The following GNG2 variants were observed in gnomAD, a reference collection of about 807,000 sequenced individuals.
The protein encoded by GNG2 is G protein subunit gamma 2.
In GNG2, 5 loss-of-function variants were observed where a neutral mutation model predicts 5.5. The ratio of observed to expected loss-of-function variants is 0.91; its 90% confidence interval spans 0.48 to 1.92. The LOEUF (loss-of-function observed/expected upper bound fraction) is 1.92, where lower values mean the gene tolerates loss of function less well. Ranked by LOEUF, GNG2 falls within the 30% of genes most tolerant of loss-of-function variation. The pLI is 0.01. For missense variants in GNG2, 55 were observed against 88.4 expected (o/e 0.62, Z 1.52); for synonymous variants, 28 against 32.0 (o/e 0.88, Z 0.42).
chr14:51,829,226 C>T (rs995272377), intron 2 of GNG2, among the ~76,000 whole-genome samples: 1 of 152,148 alleles, frequency 6.6e-6, no homozygotes, highest in Non-Finnish European at 1.5e-5. Flanking sequence ...GGTGTATAGC[C>T]TAGACTTGTT....
chr14:51,847,563 T>TA (rs112445534), intron 2 of GNG2, among the ~76,000 whole-genome samples: 25,469 of 151,834 alleles, frequency 0.17, 2,226 homozygotes, highest in Non-Finnish European at 0.19. Flanking sequence ...ATTTCAAATT[T>TA]AAAAAAAAGA....
intron 1 of GNG2, chr14:51,826,304 A>G (rs1881028447): frequency 6.6e-6 from 1 of 152,114 alleles, no homozygotes; most frequent in African/African-American, 2.4e-5. Context: ...AAATGACAAC[A>G]ATTTTAAAAA....
intron 1 of GNG2, among the ~76,000 whole-genome samples, chr14:51,871,450 A>G (rs1337566686): frequency 6.6e-6 from 1 of 152,152 alleles, no homozygotes; most frequent in African/African-American, 2.4e-5. Context: ...GTTAAAGGAC[A>G]TTGGTTTAGA....
At chr14:51,925,219 C>T (rs564556384) in intron 2 of GNG2, among the ~76,000 whole-genome samples, 33 of 152,306 alleles carry the variant, frequency 2.2e-4, no homozygotes, top group African/African-American at 7.7e-4. Flanking sequence ...ATGAAAATAT[C>T]ACTGTGTACC....
At chr14:51,845,473 G>A (rs1881597661) in intron 2 of GNG2, among the ~76,000 whole-genome samples, 1 of 152,196 alleles carries the variant, frequency 6.6e-6, no homozygotes, top group South Asian at 2.1e-4. Context: ...CAACCTGGGT[G>A]ACAGTGAGAC....
chr14:51,906,622 T>C (rs1885936177), intron 2 of GNG2, among the ~76,000 whole-genome samples: 1 of 152,206 alleles, frequency 6.6e-6, no homozygotes, highest in Non-Finnish European at 1.5e-5. Flanking sequence ...TATCCATTGG[T>C]TGAGAAAGCT....
In GNG2 at chr14:51,878,807, A is replaced by C. The variant is rs1267241131; in HGVS notation, c.-30+1150A>C. On this transcript the variant is annotated intron_variant, in intron 2 of 3. Coordinates refer to ENST00000556766, the MANE Select transcript of GNG2 (RefSeq NM_053064.5). The stretch of plus-strand genomic sequence containing the variant: ...AAGTTCTTTTGAATTTAAGTACCTA[A>C]TGTCTTTCAGGTGAGGGCTGAGACA... Among the ~76,000 whole-genome samples, 3 of 152,324 alleles carry C rather than the reference A, an allele frequency of 2.0e-5. No individual in the cohort carries two copies. In the East Asian group the frequency reaches 5.8e-4, roughly 29 times the overall value.
At chr14:51,950,160 T>C (rs1036943910) in intron 2 of GNG2, among the ~76,000 whole-genome samples, 2 of 152,252 alleles carry the variant, frequency 1.3e-5, no homozygotes, top group African/African-American at 4.8e-5. Flanking sequence ...AGATTAGGCA[T>C]GGCAATCCCT....
chr14:51,882,047 T>G (rs1358928232), intron 2 of GNG2, among the ~76,000 whole-genome samples: 1 of 152,210 alleles, frequency 6.6e-6, no homozygotes, highest in Non-Finnish European at 1.5e-5. Context: ...CATCAAGTTC[T>G]TATGCTGTAA....
At position 51,969,754 on chromosome 14, in the gene GNG2, T is replaced by C. The variant is rs1890114672; in HGVS notation, c.*3067T>C. 6.6e-6 allele frequency: 1 copy of C among 152,256 alleles called. No homozygotes were observed. Among genetic ancestry groups the C allele is most frequent in the South Asian group, 2.1e-4 (1 of 4,832 alleles). The allele number at this position is 152,256 out of a possible 1,614,324, so 9.4% of individuals were successfully genotyped here. A position where few individuals can be genotyped will look rare whatever the true frequency, so the allele number is the denominator to read the frequency against. On this transcript the variant is annotated 3_prime_UTR_variant, in exon 4 of 4. Coordinates refer to ENST00000556766, the MANE Select transcript of GNG2 (RefSeq NM_053064.5). The stretch of plus-strand genomic sequence containing the variant: ...GTGATGTGCACATTTTCATCCCACA[T>C]GGACAATGTATGTGTTTTAATAAAT...
At chr14:51,924,401 T>C (rs1363325404) in intron 2 of GNG2, among the ~76,000 whole-genome samples, 1 of 152,206 alleles carries the variant, frequency 6.6e-6, no homozygotes, top group Non-Finnish European at 1.5e-5. Flanking sequence ...GAGTTGAGAT[T>C]AGTTAATAGA....
Position 51,875,939 on chromosome 14 carries a change from A to ATTTTTTTTTTTTT in GNG2, c.-70-1671_-70-1670insTTTTTTTTTTTTT, listed in dbSNP as rs745510243. On this transcript the variant is annotated intron_variant, in intron 1 of 3. Coordinates refer to ENST00000556766, the MANE Select transcript of GNG2 (RefSeq NM_053064.5). ...AAATGCATTTTTTCATCATTTAAAC[A>ATTTTTTTTTTTTT]TTTTTTTCTTTTTTCCGAGACAGAC... is the stretch of plus-strand genomic sequence containing the variant. Among the ~76,000 whole-genome samples the ATTTTTTTTTTTTT allele has an allele frequency of 1.9e-4, 16 of 83,608 alleles. 1 individual carries two copies. Among genetic ancestry groups the ATTTTTTTTTTTTT allele is most frequent in the East Asian group, 6.3e-4 (2 of 3,180 alleles). The allele number at this position is 83,608 out of a possible 152,430, so 54.9% of individuals were successfully genotyped here.
At chr14:51,879,703 C>T (rs1289850874) in intron 2 of GNG2, among the ~76,000 whole-genome samples, 1 of 152,148 alleles carries the variant, frequency 6.6e-6, no homozygotes. Flanking sequence ...CTACCATAGT[C>T]CCATCTTCTT....
chr14:51,936,979 A>G (rs2140256395), intron 2 of GNG2, among the ~76,000 whole-genome samples: 1 of 152,330 alleles, frequency 6.6e-6, no homozygotes, highest in East Asian at 1.9e-4. Flanking sequence ...TTCTGTAAAA[A>G]GGGCCCTTTT....
At chr14:51,885,720 C>T (rs1451897975) in intron 2 of GNG2, among the ~76,000 whole-genome samples, 2 of 152,082 alleles carry the variant, frequency 1.3e-5, no homozygotes, top group South Asian at 2.1e-4. Context: ...AACATTTTGG[C>T]TTCATTAAAG....
upstream of GNG2, among the ~76,000 whole-genome samples, chr14:51,856,037 G>T (rs4243585): frequency 0.2 from 29,972 of 152,086 alleles, 3,381 homozygotes; most frequent in East Asian, 0.39. Flanking sequence ...GCTGGGCATG[G>T]TGGGTTGGCA....
chr14:51,928,347 C>T (rs945309430), intron 2 of GNG2, among the ~76,000 whole-genome samples: 21 of 151,986 alleles, frequency 1.4e-4, no homozygotes, highest in Admixed American at 4.6e-4. Flanking sequence ...TTTTTATTAC[C>T]GGTGAACTTA....
At chr14:51,862,328 T>C (rs1882552772) in intron 1 of GNG2, among the ~76,000 whole-genome samples, 1 of 152,226 alleles carries the variant, frequency 6.6e-6, no homozygotes. Flanking sequence ...TAATCAAACT[T>C]GTGGGCAAAA....
intron 1 of GNG2, among the ~76,000 whole-genome samples, chr14:51,867,696 C>T (rs12886319): frequency 0.81 from 123,744 of 152,122 alleles, 50,650 homozygotes; most frequent in Non-Finnish European, 0.86. Context: ...TCCCCTTCCA[C>T]ACTTTGTCCC....
Sources: allele counts gnomAD v4.1 joint callset (sites outside exome capture counted in the v4.1 genomes callset), GRCh38; gene constraint gnomAD v4.1.1; transcripts MANE v1.5; gene names NCBI Gene and HGNC (gene_info 2026-07-23, HGNC 2026-07-21).